Variants in PTPN3 observed in about 807,000 individuals in gnomAD.
PTPN3 encodes the protein tyrosine-protein phosphatase non-receptor type 3.
In PTPN3, 96 loss-of-function variants were observed where a neutral mutation model predicts 132.7. That is an observed-to-expected ratio of 0.72 (90% confidence interval 0.61 to 0.86). The LOEUF (loss-of-function observed/expected upper bound fraction) is 0.86, where lower values mean the gene tolerates loss of function less well. PTPN3 is among the 40% of genes least tolerant of loss of function. The pLI is 0.00. For synonymous variants in PTPN3, 398 were observed against 429.0 expected (o/e 0.93, Z 0.89); for missense variants, 1,125 against 1,159.6 (o/e 0.97, Z 0.43).
intron 14 of PTPN3, chr9:109,417,750 T>C: frequency 4.1e-6 from 4 of 985,346 alleles, no homozygotes; most frequent in Non-Finnish European, 4.8e-6. Context: ...AGTCACTAAC[T>C]TGACCCCCTG....
the PTPN3 span, chr9:109,534,008 GTC>G: frequency 1.3e-6 from 1 of 767,480 alleles, no homozygotes; most frequent in South Asian, 1.4e-5. Flanking sequence ...AAACTCCACA[GTC>G]TCTCCATTTC....
chr9:109,470,765 T>C (rs575134338), intron 1 of PTPN3, among the ~76,000 whole-genome samples: 1 of 151,950 alleles, frequency 6.6e-6, no homozygotes, highest in South Asian at 2.1e-4. Context: ...TAAGATGAGC[T>C]CAAACTAAGA....
chr9:109,537,325 A>T, the PTPN3 span, among the ~76,000 whole-genome samples: 2 of 152,214 alleles, frequency 1.3e-5, no homozygotes, highest in African/African-American at 2.4e-5. Context: ...TCAACTTCTT[A>T]CGCTTAAAAA....
chr9:109,427,240 CAA>C (rs2131875498), intron 11 of PTPN3, 118 bp from the exon 12 acceptor site: 1 of 1,133,528 alleles, frequency 8.8e-7, no homozygotes, highest in East Asian at 2.4e-5. Context: ...AAACTGGTTT[CAA>C]AATGCCGTGG....
chr9:109,408,815 ATATG>A (rs1841817540), intron 16 of PTPN3, among the ~76,000 whole-genome samples: 1 of 140,474 alleles, frequency 7.1e-6, no homozygotes, highest in Non-Finnish European at 1.5e-5. Flanking sequence ...ATATATATAT[ATATG>A]GGCTTTATAT....
At chr9:109,469,697 G>C (rs551779803) in intron 1 of PTPN3, among the ~76,000 whole-genome samples, 72 of 152,052 alleles carry the variant, frequency 4.7e-4, no homozygotes, top group African/African-American at 1.6e-3. Flanking sequence ...AAGAATATGA[G>C]TTCCGTTGAA....
the PTPN3 span, among the ~76,000 whole-genome samples, chr9:109,513,315 C>T: frequency 4.9e-3 from 750 of 152,294 alleles, 2 homozygotes; most frequent in Non-Finnish European, 8.1e-3. Context: ...CCACCACATC[C>T]GGCGTGGAAT....
chr9:109,391,877 G>GGGA (rs1554777643), intron 19 of PTPN3, among the ~76,000 whole-genome samples: 1 of 101,066 alleles, frequency 9.9e-6, no homozygotes, highest in African/African-American at 3.9e-5. Flanking sequence ...ATGTGGGGGG[G>GGGA]GGGGGGAAGA....
At chr9:109,457,446 G>A in intron 2 of PTPN3, 47 bp from the exon 3 acceptor site, 1 of 1,504,300 alleles carries the variant, frequency 6.6e-7, no homozygotes, top group South Asian at 1.2e-5. Flanking sequence ...AAATTAATTG[G>A]TGGTAAAAAC....
At chr9:109,514,618 A>G in the PTPN3 span, among the ~76,000 whole-genome samples, 1 of 152,212 alleles carries the variant, frequency 6.6e-6, no homozygotes, top group Non-Finnish European at 1.5e-5. Context: ...CCAGGTAACT[A>G]GAGCTCCATC....
rs373007349 is a variant in PTPN3 at position 109,454,487 on chromosome 9, T to C, written c.368+9A>G. 2.4e-5 allele frequency: 39 copies of C among 1,607,244 alleles called. No homozygotes were observed. Among genetic ancestry groups the C allele is most frequent in the Non-Finnish European group, 3.2e-5 (38 of 1,176,050 alleles). ...CACTAAACAGAAAACTTTAAAAAAATGTTGTTACCTGGTTTGTTCTTGCTG... is the reference window on the plus strand; with the variant it reads ...CACTAAACAGAAAACTTTAAAAAAACGTTGTTACCTGGTTTGTTCTTGCTG... On this transcript the variant is annotated intron_variant, in intron 5 of 25. Coordinates refer to ENST00000374541, the MANE Select transcript of PTPN3 (RefSeq NM_002829.4).
In PTPN3 at chr9:109,379,115, C is replaced by G. The variant is rs1385311589; in HGVS notation, c.*441G>C. On this transcript the variant is annotated 3_prime_UTR_variant, in exon 26 of 26. Coordinates refer to ENST00000374541, the MANE Select transcript of PTPN3 (RefSeq NM_002829.4). ...TGAATCTGAATTGTTCCAGCTCCAC[C>G]TAGAAGCACAGAAAGCTCAGCCCTT... is the stretch of plus-strand genomic sequence containing the variant. The G allele has an allele frequency of 6.1e-6, 1 of 164,194 alleles. No homozygotes were observed. The highest frequency in any genetic ancestry group is 2.4e-5 in the African/African-American group (1 of 41,638). The allele number at this position is 164,194 out of a possible 1,614,324, so 10.2% of individuals were successfully genotyped here.
chr9:109,420,705 T>C, intron 13 of PTPN3, 105 bp from the exon 14 acceptor site: 2 of 1,215,026 alleles, frequency 1.6e-6, no homozygotes, highest in Non-Finnish European at 2.2e-6. Flanking sequence ...AAGGATGCCT[T>C]CCTTGGCGGA....
At chr9:109,505,473 C>G in the PTPN3 span, among the ~76,000 whole-genome samples, 2 of 152,132 alleles carry the variant, frequency 1.3e-5, no homozygotes, top group African/African-American at 4.8e-5. Flanking sequence ...TAGATGAGGT[C>G]TTGCTATTTT....
chr9:109,435,181 TCTC>T (rs1428472304), intron 9 of PTPN3, among the ~76,000 whole-genome samples: 2 of 152,220 alleles, frequency 1.3e-5, no homozygotes, highest in Admixed American at 1.3e-4. Flanking sequence ...AGGTCTCAAA[TCTC>T]CTAATCCTGT....
chr9:109,439,695 G>A (rs979070461), intron 7 of PTPN3, among the ~76,000 whole-genome samples: 4 of 152,144 alleles, frequency 2.6e-5, no homozygotes, highest in African/African-American at 7.2e-5. Flanking sequence ...GATCACCTGC[G>A]GTCAGAGGTT....
chr9:109,416,352 G>C (rs1052695787), intron 14 of PTPN3, among the ~76,000 whole-genome samples: 1 of 152,178 alleles, frequency 6.6e-6, no homozygotes, highest in Admixed American at 6.5e-5. Flanking sequence ...AGGGCTCTCA[G>C]GGCTGGGGGA....
intron 1 of PTPN3, among the ~76,000 whole-genome samples, chr9:109,490,450 A>AG (rs1440117887): frequency 2.0e-5 from 3 of 152,176 alleles, no homozygotes; most frequent in Admixed American, 2.0e-4. Flanking sequence ...AAAAACGTCA[A>AG]GGTCTGGCTG....
At chr9:109,403,465 C>G (rs1352983014) in intron 19 of PTPN3, among the ~76,000 whole-genome samples, 2 of 152,056 alleles carry the variant, frequency 1.3e-5, no homozygotes, top group African/African-American at 4.8e-5. Flanking sequence ...GATCTATTTT[C>G]TTTTGTTGAC....
Sources: gnomAD v4.1 joint callset for allele counts (sites outside exome capture counted in the v4.1 genomes callset) on GRCh38, gnomAD v4.1.1 for gene constraint, MANE v1.5 for transcripts, NCBI Gene and HGNC (gene_info 2026-07-23, HGNC 2026-07-21) for gene names.